TIMM9: variants seen among roughly 807,000 people sequenced by gnomAD.
The protein encoded by TIMM9 is mitochondrial import inner membrane translocase subunit Tim9.
Under a neutral mutation model 13.4 loss-of-function variants are expected in TIMM9, and 10 were observed. That is an observed-to-expected ratio of 0.75 (90% confidence interval 0.46 to 1.26). The LOEUF is 1.26. Among genes scored for constraint, TIMM9 ranks in the 50% most tolerant of loss-of-function variants. The probability of loss-of-function intolerance (pLI) is 0.00; values close to 1 mark genes in which losing one functional copy is unlikely to be tolerated. For missense variants in TIMM9, 87 were observed against 100.8 expected, an observed-to-expected ratio of 0.86 and a Z score of 0.58; for synonymous variants, 32 against 32.1, an observed-to-expected ratio of 1.00 and a Z score of 0.01.
At chr14:58,409,921 G>C (rs2036159082) in intron 5 of TIMM9, among the ~76,000 whole-genome samples, 1 of 151,998 alleles carries the variant, frequency 6.6e-6, no homozygotes, top group African/African-American at 2.4e-5. Flanking sequence ...CTGTTGCCCA[G>C]GGTGGAGTGC....
intron 3 of TIMM9, among the ~76,000 whole-genome samples, chr14:58,412,354 A>T (rs1346579035): frequency 6.6e-6 from 1 of 152,114 alleles, no homozygotes; most frequent in African/African-American, 2.4e-5. Flanking sequence ...GTTGGCAAGG[A>T]TGGTCTCGAT....
intron 3 of TIMM9, among the ~76,000 whole-genome samples, chr14:58,418,962 T>C (rs2036501432): frequency 1.3e-5 from 2 of 152,110 alleles, no homozygotes; most frequent in Non-Finnish European, 2.9e-5. Flanking sequence ...TGGAAATTTA[T>C]ATAAAATTTA....
chr14:58,426,387 A>G (rs1444547664), intron 2 of TIMM9, among the ~76,000 whole-genome samples: 1 of 151,668 alleles, frequency 6.6e-6, no homozygotes, highest in Non-Finnish European at 1.5e-5. Context: ...TTGTATTTTC[A>G]GTAGAGGCGG....
rs2036909612 is a variant in TIMM9, at chr14:58,427,446, G to A, written c.-358C>T. The A allele has an allele frequency of 2.8e-6, 2 of 717,784 alleles. No homozygotes were observed. Among genetic ancestry groups the A allele is most frequent in the African/African-American group, 3.6e-5 (2 of 56,302 alleles). The allele number at this position is 717,784 out of a possible 1,614,324, so 44.5% of individuals were successfully genotyped here. On this transcript the variant is annotated 5_prime_UTR_variant, in exon 1 of 6. Coordinates refer to ENST00000395159, the MANE Select transcript of TIMM9 (RefSeq NM_012460.4). The stretch of plus-strand genomic sequence containing the variant: ...AGCGAAGCAGTGTCAACAGTCCCTG[G>A]TAAACACAAGTAGTATTACAAGTCG...
chr14:58,419,623 G>T (rs908263011), intron 3 of TIMM9, among the ~76,000 whole-genome samples: 12 of 152,006 alleles, frequency 7.9e-5, no homozygotes, highest in African/African-American at 2.9e-4. Context: ...ATGGATTGGG[G>T]GGCCAGGCAT....
chr14:58,425,890 G>A (rs1406131227), intron 2 of TIMM9, among the ~76,000 whole-genome samples: 2 of 152,176 alleles, frequency 1.3e-5, no homozygotes, highest in African/African-American at 2.4e-5. Flanking sequence ...AGGCCGAGGC[G>A]GGTGAATCAA....
In TIMM9 at chr14:58,411,936, G is replaced by A; in HGVS notation, c.10C>T (p.Gln4Ter). ...TTTATCTGATCAGATTCTGGTATTT[G>A]TGCAGCCATATTCTTCTGGTACCTT... MAA[Q>*]IPESDQIKQF... The change falls in exon 4 of 6, where the codon CAA becomes TAA. Residue 4 changes from glutamine to a stop codon, truncating the protein, a stop_gained. Transcript: ENST00000395159. LOFTEE classifies it high-confidence loss of function. 6.2e-7 allele frequency: 1 copy of A among 1,613,746 alleles called. No individual in the cohort carries two copies. The highest frequency in any genetic ancestry group is 8.5e-7 in the Non-Finnish European group (1 of 1,179,756).
chr14:58,414,008 GAAAAAAAAAAAAA>G (rs10656955), intron 3 of TIMM9, among the ~76,000 whole-genome samples: 12 of 24,182 alleles, frequency 5.0e-4, no homozygotes, highest in South Asian at 8.2e-3. Context: ...TTCCGTCTCA[GAAAAAAAAAAAAA>G]AAAAAAAAAA....
intron 5 of TIMM9, 150 bp from the exon 6 acceptor site, chr14:58,409,318 C>A: frequency 2.4e-6 from 2 of 824,724 alleles, no homozygotes; most frequent in Non-Finnish European, 3.7e-6. Flanking sequence ...CTGACCATAG[C>A]TTTTAATTGA....
At chr14:58,425,180 G>A (rs1158029604) in intron 2 of TIMM9, among the ~76,000 whole-genome samples, 3 of 152,142 alleles carry the variant, frequency 2.0e-5, no homozygotes, top group African/African-American at 7.2e-5. Context: ...GGAGGCTGAG[G>A]TGGGCAGATC....
At chr14:58,418,548 G>A (rs912337893) in intron 3 of TIMM9, among the ~76,000 whole-genome samples, 1 of 152,140 alleles carries the variant, frequency 6.6e-6, no homozygotes, top group African/African-American at 2.4e-5. Flanking sequence ...TTATGAACAT[G>A]CAAAATCGAA....
At chr14:58,419,499 ACACAC>A (rs2036525225) in intron 3 of TIMM9, among the ~76,000 whole-genome samples, 6 of 149,108 alleles carry the variant, frequency 4.0e-5, no homozygotes, top group African/African-American at 1.3e-4. Context: ...ACACACACAC[ACACAC>A]AAACACATAC....
At chr14:58,424,789 C>T (rs2036686748) in intron 2 of TIMM9, among the ~76,000 whole-genome samples, 1 of 152,116 alleles carries the variant, frequency 6.6e-6, no homozygotes, top group South Asian at 2.1e-4. Context: ...ATCACTTGAG[C>T]CCAGGAGCTT....
intron 3 of TIMM9, among the ~76,000 whole-genome samples, chr14:58,422,102 GAA>G (rs1566754106): frequency 6.7e-6 from 1 of 149,124 alleles, no homozygotes; most frequent in Non-Finnish European, 1.5e-5. Flanking sequence ...CAGAGAGACA[GAA>G]AGTATGAAAT....
At chr14:58,426,215 CT>C (rs555358503) in intron 2 of TIMM9, among the ~76,000 whole-genome samples, 6 of 144,654 alleles carry the variant, frequency 4.1e-5, no homozygotes, top group Non-Finnish European at 6.1e-5. Context: ...CTTTTTTTTT[CT>C]TTTTTTTTTA....
intron 3 of TIMM9, among the ~76,000 whole-genome samples, chr14:58,413,698 T>C (rs1178384537): frequency 6.6e-6 from 1 of 152,130 alleles, no homozygotes; most frequent in Non-Finnish European, 1.5e-5. Flanking sequence ...AGGTTGAGCA[T>C]TTCATATAAA....
At chr14:58,409,610 G>C (rs1243536202) in intron 5 of TIMM9, among the ~76,000 whole-genome samples, 3 of 151,740 alleles carry the variant, frequency 2.0e-5, no homozygotes, top group Non-Finnish European at 4.4e-5. Flanking sequence ...AGGGAGTCTC[G>C]CTGTGTCACC....
At chr14:58,415,110 C>T (rs952793720) in intron 3 of TIMM9, among the ~76,000 whole-genome samples, 1 of 152,278 alleles carries the variant, frequency 6.6e-6, no homozygotes, top group South Asian at 2.1e-4. Context: ...ATGCCTACTC[C>T]ACCTAGCAGT....
intron 3 of TIMM9, among the ~76,000 whole-genome samples, chr14:58,416,055 A>G (rs1435752721): frequency 7.0e-5 from 8 of 114,680 alleles, no homozygotes; most frequent in Non-Finnish European, 1.3e-4. Context: ...GTCCCTACTG[A>G]AAAAAAAAAA....
Sources: allele counts gnomAD v4.1 joint callset (sites outside exome capture counted in the v4.1 genomes callset), GRCh38; gene constraint gnomAD v4.1.1; transcripts MANE v1.5; gene names NCBI Gene and HGNC (gene_info 2026-07-23, HGNC 2026-07-21).